The following HIBADH variants were observed in gnomAD, a reference collection of about 807,000 sequenced individuals.
HIBADH encodes 3-hydroxyisobutyrate dehydrogenase, mitochondrial.
In HIBADH, 25 loss-of-function variants were observed where a neutral mutation model predicts 36.1. The observed-to-expected ratio is 0.69, with a 90% CI of 0.50 to 0.97. The LOEUF (loss-of-function observed/expected upper bound fraction) is 0.97. HIBADH is among the 50% of genes least tolerant of loss of function. The probability of loss-of-function intolerance (pLI) is 0.00; values close to 1 mark genes in which losing one functional copy is unlikely to be tolerated. For synonymous variants in HIBADH, 160 were observed against 149.5 expected, an observed-to-expected ratio of 1.07 and a Z score of -0.51; for missense variants, 421 against 418.0, an observed-to-expected ratio of 1.01 and a Z score of -0.06.
At chr7:27,639,237 AC>A (rs1351001288) in intron 2 of HIBADH, among the ~76,000 whole-genome samples, 2 of 152,198 alleles carry the variant, frequency 1.3e-5, no homozygotes, top group Non-Finnish European at 2.9e-5. Flanking sequence ...GTACATATAC[AC>A]CATGAAATAC....
intron 1 of HIBADH, among the ~76,000 whole-genome samples, chr7:27,662,186 T>A (rs1786436242): frequency 6.6e-6 from 1 of 152,190 alleles, no homozygotes; most frequent in East Asian, 1.9e-4. Context: ...AAAGACTTAC[T>A]GCCTGGCTTG....
chr7:27,622,277 A>C (rs1284782460), intron 4 of HIBADH, among the ~76,000 whole-genome samples: 1 of 152,194 alleles, frequency 6.6e-6, no homozygotes, highest in Admixed American at 6.5e-5. Flanking sequence ...GAAAACATGG[A>C]AATTAAAAAA....
chr7:27,558,029 A>G (rs1205785922), intron 4 of HIBADH, among the ~76,000 whole-genome samples: 1 of 151,906 alleles, frequency 6.6e-6, no homozygotes, highest in African/African-American at 2.4e-5. Flanking sequence ...AAAATCACCT[A>G]TTTCTTCTGG....
chr7:27,644,546 G>A (rs1397098769), intron 2 of HIBADH, among the ~76,000 whole-genome samples: 1 of 146,048 alleles, frequency 6.8e-6, no homozygotes, highest in African/African-American at 2.6e-5. Flanking sequence ...GTTGCAGTGA[G>A]CCAAGATTGC....
intron 4 of HIBADH, among the ~76,000 whole-genome samples, chr7:27,586,122 T>C (rs1784857772): frequency 6.6e-6 from 1 of 152,234 alleles, no homozygotes; most frequent in Non-Finnish European, 1.5e-5. Context: ...AACAATACAT[T>C]CAATATAAAT....
chr7:27,586,343 AG>A (rs2128288284), intron 4 of HIBADH, among the ~76,000 whole-genome samples: 1 of 94,554 alleles, frequency 1.1e-5, no homozygotes, highest in South Asian at 5.3e-4. Flanking sequence ...AAAAAAAGAA[AG>A]AGAGAAAGAG....
intron 4 of HIBADH, among the ~76,000 whole-genome samples, chr7:27,596,707 G>A (rs1484593256): frequency 6.6e-6 from 1 of 152,048 alleles, no homozygotes; most frequent in Non-Finnish European, 1.5e-5. Flanking sequence ...AAAATGCTTG[G>A]GACCAAAAGT....
intron 4 of HIBADH, among the ~76,000 whole-genome samples, chr7:27,591,428 G>A (rs975252667): frequency 1.3e-5 from 2 of 152,100 alleles, no homozygotes; most frequent in African/African-American, 4.8e-5. Flanking sequence ...GCAGGTGCCT[G>A]TAGTCCCAGC....
intron 4 of HIBADH, among the ~76,000 whole-genome samples, chr7:27,563,009 T>C (rs1326616801): frequency 6.6e-6 from 1 of 152,204 alleles, no homozygotes; most frequent in African/African-American, 2.4e-5. Flanking sequence ...CCATCATCAG[T>C]GAGGATACGA....
At chr7:27,542,886 TA>T in intron 5 of HIBADH, 80 bp downstream of exon 5, 1 of 1,399,894 alleles carries the variant, frequency 7.1e-7, no homozygotes, top group South Asian at 1.3e-5. Flanking sequence ...GAAAGAAGAA[TA>T]AAAATATGGT....
intron 1 of HIBADH, among the ~76,000 whole-genome samples, chr7:27,654,632 G>C (rs936557591): frequency 2.6e-5 from 4 of 151,704 alleles, no homozygotes; most frequent in African/African-American, 9.7e-5. Flanking sequence ...ACAAATATTT[G>C]TATATTCCAG....
In HIBADH at chr7:27,525,652, C is replaced by T. The variant is rs1458731622; in HGVS notation, c.*562G>A. 2.0e-5 allele frequency: 3 copies of T among 152,116 alleles called. No homozygotes were observed. The highest frequency in any genetic ancestry group is 1.5e-5 in the Non-Finnish European group (1 of 68,042). The allele number at this position is 152,116 out of a possible 1,614,324, so 9.4% of individuals were successfully genotyped here. A position where few individuals can be genotyped will look rare whatever the true frequency, so the allele number is the denominator to read the frequency against. On this transcript the variant is annotated 3_prime_UTR_variant, in exon 8 of 8. Coordinates refer to ENST00000265395, the MANE Select transcript of HIBADH (RefSeq NM_152740.4). ...TCGGGAGTTGGTGAGGGATATCCTA[C>T]CATATTGTGACGGAGTCCAAATAGA...
intron 4 of HIBADH, among the ~76,000 whole-genome samples, chr7:27,618,723 G>T (rs1336944031): frequency 6.6e-6 from 1 of 152,158 alleles, no homozygotes; most frequent in Non-Finnish European, 1.5e-5. Flanking sequence ...GGATCTGCAG[G>T]TTGTCAGGAA....
At chr7:27,652,060 T>C (rs1786204452) in intron 1 of HIBADH, among the ~76,000 whole-genome samples, 1 of 152,228 alleles carries the variant, frequency 6.6e-6, no homozygotes, top group African/African-American at 2.4e-5. Context: ...GCAATTTTAC[T>C]ACATGCCAGA....
At chr7:27,625,839 C>T (rs1342577110) in intron 4 of HIBADH, among the ~76,000 whole-genome samples, 7 of 152,044 alleles carry the variant, frequency 4.6e-5, no homozygotes, top group South Asian at 2.1e-4. Context: ...TGGTGGCTCA[C>T]GCCTGTATTC....
intron 1 of HIBADH, among the ~76,000 whole-genome samples, chr7:27,649,889 T>TA (rs1038731267): frequency 2.3e-3 from 338 of 147,076 alleles, no homozygotes; most frequent in African/African-American, 7.6e-3. Context: ...TAATATTTAT[T>TA]AAAAAAAAAA....
rs1784688797 is a variant in HIBADH, at chr7:27,575,120, T to G, written c.485-32020A>C. Among the ~76,000 whole-genome samples, 3 of 152,224 alleles carry G rather than the reference T, an allele frequency of 2.0e-5. No individual in the cohort carries two copies. The South Asian group carries it at 6.2e-4, about 32-fold the overall frequency. ...TATTTTACTTTTCCCAGAATAAAAT[T>G]AGAAAGCCAGATACTCTGCCAAATA... On this transcript the variant is annotated intron_variant, in intron 4 of 7. Coordinates refer to ENST00000265395, the MANE Select transcript of HIBADH (RefSeq NM_152740.4).
At chr7:27,611,266 G>A (rs1284003743) in intron 4 of HIBADH, among the ~76,000 whole-genome samples, 1 of 152,128 alleles carries the variant, frequency 6.6e-6, no homozygotes, top group Non-Finnish European at 1.5e-5. Flanking sequence ...TTCAACTTAA[G>A]GTCTCTGGGC....
chr7:27,530,643 T>A (rs762178842), intron 7 of HIBADH, among the ~76,000 whole-genome samples: 1 of 152,164 alleles, frequency 6.6e-6, no homozygotes, highest in Non-Finnish European at 1.5e-5. Context: ...GTTGAGAACA[T>A]AGACTTTCTA....
Sources: allele counts gnomAD v4.1 joint callset (sites outside exome capture counted in the v4.1 genomes callset), GRCh38; gene constraint gnomAD v4.1.1; transcripts MANE v1.5; gene names NCBI Gene and HGNC (gene_info 2026-07-23, HGNC 2026-07-21).